BRAF: variants seen among roughly 807,000 people sequenced by gnomAD.
BRAF encodes serine/threonine-protein kinase B-raf.
Under a neutral mutation model 104.6 loss-of-function variants are expected in BRAF, and 16 were observed. The observed-to-expected ratio is 0.15, with a 90% CI of 0.10 to 0.23. BRAF has a LOEUF of 0.23. Among genes scored for constraint, BRAF ranks in the 10% least tolerant of loss-of-function variants. BRAF has a pLI of 1.00. For missense variants in BRAF, 541 were observed against 937.3 expected, an observed-to-expected ratio of 0.58 and a Z score of 5.52; for synonymous variants, 310 against 341.6, an observed-to-expected ratio of 0.91 and a Z score of 1.02.
chr7:140,884,309 A>AT (rs898374322), intron 1 of BRAF: 2 of 151,972 alleles, frequency 1.3e-5, no homozygotes, highest in African/African-American at 2.4e-5. Flanking sequence ...CTAGAAGAAC[A>AT]TAAGTGTTTA....
intron 5 of BRAF, among the ~76,000 whole-genome samples, chr7:140,806,781 T>A (rs1016929493): frequency 6.6e-6 from 1 of 152,188 alleles, no homozygotes; most frequent in Non-Finnish European, 1.5e-5. Context: ...AGGTGTATCT[T>A]ACACTTCTCC....
chr7:140,827,941 G>A (rs905169664), intron 3 of BRAF, among the ~76,000 whole-genome samples: 1 of 151,928 alleles, frequency 6.6e-6, no homozygotes. Flanking sequence ...TTGTTGCCCC[G>A]GCTGGAGTGC....
intron 8 of BRAF, among the ~76,000 whole-genome samples, chr7:140,792,150 C>T (rs1247824492): frequency 2.0e-5 from 3 of 152,148 alleles, no homozygotes; most frequent in African/African-American, 7.2e-5. Context: ...CATAGTCTCC[C>T]TCCCCAAAAC....
In BRAF at chr7:140,723,591, T is replaced by C; in HGVS notation, c.*2903A>G. On this transcript the variant is annotated 3_prime_UTR_variant, in exon 20 of 20. Coordinates refer to ENST00000644969, the MANE Select transcript of BRAF (RefSeq NM_001374258.1). ...ATTTTTTTGGTCAATATTATTTCAG[T>C]GGCAAAAGTCTAGGTCCTTGACTCT... 1 of 1,049,410 alleles carries C rather than the reference T, an allele frequency of 9.5e-7. No homozygotes were observed. The allele number at this position is 1,049,410 out of a possible 1,614,324, so 65.0% of individuals were successfully genotyped here. A position where few individuals can be genotyped will look rare whatever the true frequency, so the allele number is the denominator to read the frequency against.
chr7:140,794,253 A>C (rs928876494), intron 8 of BRAF, 55 bp downstream of exon 8: 5 of 1,594,418 alleles, frequency 3.1e-6, no homozygotes, highest in Middle Eastern at 2.1e-4. Context: ...TTATAGCAGA[A>C]AAATAAAGAT....
intron 3 of BRAF, among the ~76,000 whole-genome samples, chr7:140,816,617 C>T (rs1180930743): frequency 1.3e-5 from 2 of 152,062 alleles, no homozygotes; most frequent in Non-Finnish European, 2.9e-5. Flanking sequence ...AGGATTAATG[C>T]CAATCAACAG....
At position 140,924,469 on chromosome 7, in the gene BRAF, G is replaced by A; in HGVS notation, c.138+97C>T. 6.6e-7 allele frequency: 1 copy of A among 1,504,000 alleles called. No individual in the cohort carries two copies. The highest frequency in any genetic ancestry group is 1.2e-5 in the South Asian group (1 of 82,708). The allele number at this position is 1,504,000 out of a possible 1,614,324, so 93.2% of individuals were successfully genotyped here. ...GGAGCTGGCCCGAGAAGGTGGCTGA[G>A]GGCATCAAGCCCCCACCGCCGCCTC... On this transcript the variant is annotated intron_variant, in intron 1 of 19. Coordinates refer to ENST00000644969, the MANE Select transcript of BRAF (RefSeq NM_001374258.1). This position sits in a 1 kb window ranked among gnomAD's most constrained non-coding sequence, Gnocchi z 4.2.
chr7:140,854,573 G>A (rs1809554210), intron 1 of BRAF, among the ~76,000 whole-genome samples: 1 of 152,036 alleles, frequency 6.6e-6, no homozygotes, highest in South Asian at 2.1e-4. Context: ...GAGAGAGAAA[G>A]TGGGGGAAAA....
At chr7:140,716,140 A>G (rs1256378988), downstream of BRAF, among the ~76,000 whole-genome samples, 4 of 152,196 alleles carry the variant, frequency 2.6e-5, no homozygotes, top group Non-Finnish European at 5.9e-5. Context: ...CATACTAAAG[A>G]AGAATGGCCA....
chr7:140,856,959 A>G (rs1809852268), intron 1 of BRAF, among the ~76,000 whole-genome samples: 1 of 152,224 alleles, frequency 6.6e-6, no homozygotes, highest in Admixed American at 6.5e-5. Context: ...AAGAAGTAAT[A>G]TCAAAGAAAG....
In BRAF at chr7:140,724,799, TTG is replaced by T. The variant is rs758800507; in HGVS notation, c.*1693_*1694del. 1.3e-5 allele frequency: 13 copies of T among 1,035,986 alleles called. No individual in the cohort carries two copies. Among genetic ancestry groups the T allele is most frequent in the Non-Finnish European group, 1.5e-5 (13 of 860,778 alleles). The allele number at this position is 1,035,986 out of a possible 1,614,324, so 64.2% of individuals were successfully genotyped here. ...TATAGCTTGGTTGGTCTGATTTGAT[TTG>T]TGTTCCTAAATTCTGAGTCTAGATT... is the stretch of plus-strand genomic sequence containing the variant. On this transcript the variant is annotated 3_prime_UTR_variant, in exon 20 of 20. Coordinates refer to ENST00000644969, the MANE Select transcript of BRAF (RefSeq NM_001374258.1).
intron 17 of BRAF, among the ~76,000 whole-genome samples, chr7:140,748,545 T>C (rs1797535375): frequency 6.6e-6 from 1 of 152,176 alleles, no homozygotes; most frequent in South Asian, 2.1e-4. Flanking sequence ...GGTCAACTAG[T>C]GTTTTCTAAT....
At chr7:140,739,787 TG>T in intron 18 of BRAF, 24 bp downstream of exon 17, 1 of 1,611,414 alleles carries the variant, frequency 6.2e-7, no homozygotes, top group South Asian at 1.1e-5. Context: ...TCTGTTCTTT[TG>T]GATAGCATGA....
chr7:140,757,825 G>T (rs951546209), intron 14 of BRAF, among the ~76,000 whole-genome samples: 2 of 152,224 alleles, frequency 1.3e-5, no homozygotes, highest in South Asian at 4.1e-4. Context: ...TTCAAGAGAG[G>T]ACTGAGGATA....
intron 3 of BRAF, among the ~76,000 whole-genome samples, chr7:140,814,495 T>A (rs910322633): frequency 2.0e-5 from 3 of 151,720 alleles, no homozygotes; most frequent in South Asian, 2.1e-4. Flanking sequence ...TGAAACCCCA[T>A]CTCTATTAAA....
At chr7:140,845,701 C>G (rs184819468) in intron 2 of BRAF, among the ~76,000 whole-genome samples, 1 of 151,990 alleles carries the variant, frequency 6.6e-6, no homozygotes, top group Admixed American at 6.6e-5. Flanking sequence ...TTGTTTGAGA[C>G]GGAGTCTTAT....
At position 140,721,504 on chromosome 7, in the gene BRAF, A is replaced by G; in HGVS notation, c.*4990T>C. On this transcript the variant is annotated 3_prime_UTR_variant, in exon 20 of 20. Coordinates refer to ENST00000644969, the MANE Select transcript of BRAF (RefSeq NM_001374258.1). ...AACAACAAAACAGAGCTTACTGTCT[A>G]GTGTACTAATAAAACAAACATCTTA... The G allele has an allele frequency of 7.2e-7, 1 of 1,382,374 alleles. No individual in the cohort carries two copies. Among genetic ancestry groups the G allele is most frequent in the South Asian group, 1.8e-5 (1 of 55,958 alleles). The allele number at this position is 1,382,374 out of a possible 1,614,324, so 85.6% of individuals were successfully genotyped here.
chr7:140,905,946 G>C (rs1440386025), intron 1 of BRAF, among the ~76,000 whole-genome samples: 1 of 149,444 alleles, frequency 6.7e-6, no homozygotes, highest in Non-Finnish European at 1.5e-5. Context: ...AAATTAGCCG[G>C]GCGTAGTGGC....
intron 2 of BRAF, among the ~76,000 whole-genome samples, chr7:140,840,859 C>T (rs1463272113): frequency 6.6e-6 from 1 of 151,376 alleles, no homozygotes; most frequent in Non-Finnish European, 1.5e-5. Context: ...GGACTACAGG[C>T]ATGCACCACC....
Sources: gnomAD v4.1 joint callset for allele counts (sites outside exome capture counted in the v4.1 genomes callset) on GRCh38, gnomAD v4.1.1 for gene constraint, Gnocchi (gnomAD v3.1) non-coding constraint, MANE v1.5 for transcripts, NCBI Gene and HGNC (gene_info 2026-07-23, HGNC 2026-07-21) for gene names.